The following CAMK1D variants were observed in gnomAD, a reference collection of about 807,000 sequenced individuals.
The protein encoded by CAMK1D is calcium/calmodulin-dependent protein kinase type 1D.
Under a neutral mutation model 47.7 loss-of-function variants are expected in CAMK1D, and 9 were observed. That is an observed-to-expected ratio of 0.19 (90% CI 0.11 to 0.33). CAMK1D has a LOEUF of 0.33. Among genes scored for constraint, CAMK1D ranks in the 10% least tolerant of loss-of-function variants. CAMK1D has a pLI of 1.00. For synonymous variants in CAMK1D, 184 were observed against 184.9 expected (o/e 0.99, Z 0.04); for missense variants, 291 against 488.7 (o/e 0.60, Z 3.81).
intron 2 of CAMK1D, among the ~76,000 whole-genome samples, chr10:12,588,302 C>T (rs749927775): frequency 1.8e-4 from 27 of 152,028 alleles, no homozygotes; most frequent in Non-Finnish European, 2.8e-4. Context: ...GAATAATGAT[C>T]GGACACCCTG....
At chr10:12,819,198 C>T (rs1386911553) in intron 8 of CAMK1D, among the ~76,000 whole-genome samples, 1 of 152,158 alleles carries the variant, frequency 6.6e-6, no homozygotes, top group Non-Finnish European at 1.5e-5. Context: ...ACAGAGGGCC[C>T]AGCAGGAGGT....
chr10:12,681,456 C>G (rs534319647), intron 3 of CAMK1D, among the ~76,000 whole-genome samples: 2 of 152,262 alleles, frequency 1.3e-5, no homozygotes, highest in Non-Finnish European at 2.9e-5. Flanking sequence ...CTGCAGCCTC[C>G]GCTCCTGCAG....
intron 1 of CAMK1D, among the ~76,000 whole-genome samples, chr10:12,521,406 A>G (rs1445115687): frequency 6.6e-6 from 1 of 152,250 alleles, no homozygotes; most frequent in Non-Finnish European, 1.5e-5. Flanking sequence ...ATTTGAGAAT[A>G]ATCTACATAA....
chr10:12,427,607 G>A (rs1840276769), intron 1 of CAMK1D, among the ~76,000 whole-genome samples: 2 of 151,370 alleles, frequency 1.3e-5, no homozygotes, highest in Non-Finnish European at 2.9e-5. Flanking sequence ...CTTGGAACTT[G>A]GAACTTGGTT....
intron 1 of CAMK1D, among the ~76,000 whole-genome samples, chr10:12,539,438 G>A (rs894208707): frequency 6.6e-6 from 1 of 152,184 alleles, no homozygotes; most frequent in African/African-American, 2.4e-5. Context: ...GCCAGATGAG[G>A]GATGGCCAGT....
chr10:12,417,744 G>T (rs770822115), intron 1 of CAMK1D, among the ~76,000 whole-genome samples: 24 of 152,180 alleles, frequency 1.6e-4, no homozygotes, highest in Non-Finnish European at 3.2e-4. Flanking sequence ...ACACTCTTAT[G>T]TGGAAGGCCA....
At chr10:12,680,763 A>T (rs1055961648) in intron 3 of CAMK1D, among the ~76,000 whole-genome samples, 1 of 151,856 alleles carries the variant, frequency 6.6e-6, no homozygotes, top group African/African-American at 2.4e-5. Flanking sequence ...CTACATCCGG[A>T]TGATTAATTT....
At chr10:12,486,511 A>G (rs1341027843) in intron 1 of CAMK1D, among the ~76,000 whole-genome samples, 1 of 140,868 alleles carries the variant, frequency 7.1e-6, no homozygotes, top group East Asian at 2.2e-4. Context: ...CCATGTACCC[A>G]CGTGTGCATG....
At chr10:12,550,968 C>G (rs17151886) in intron 1 of CAMK1D, among the ~76,000 whole-genome samples, 5,485 of 152,244 alleles carry the variant, frequency 0.036, 338 homozygotes, top group African/African-American at 0.13. Flanking sequence ...TGGATTGTGA[C>G]AGAGTGTGCA....
chr10:12,687,577 C>T (rs771317789), intron 3 of CAMK1D, among the ~76,000 whole-genome samples: 62 of 152,222 alleles, frequency 4.1e-4, no homozygotes, highest in Admixed American at 1.0e-3. Flanking sequence ...ATCTTGAAAC[C>T]AAAGGCACAT....
At chr10:12,682,168 C>A (rs569742216) in intron 3 of CAMK1D, among the ~76,000 whole-genome samples, 3 of 152,094 alleles carry the variant, frequency 2.0e-5, no homozygotes, top group African/African-American at 7.2e-5. Flanking sequence ...TGCAGTGAGC[C>A]GAGATCGCGT....
At chr10:12,419,607 A>G (rs1411853288) in intron 1 of CAMK1D, among the ~76,000 whole-genome samples, 1 of 151,376 alleles carries the variant, frequency 6.6e-6, no homozygotes, top group East Asian at 1.9e-4. Context: ...ATGAAGCCAG[A>G]AAGTGATTCA....
At chr10:12,531,740 A>T (rs915703763) in intron 1 of CAMK1D, among the ~76,000 whole-genome samples, 22 of 152,326 alleles carry the variant, frequency 1.4e-4, no homozygotes, top group African/African-American at 4.3e-4. Flanking sequence ...CTGTCCCCTG[A>T]CATCGCCCGG....
Position 12,466,117 on chromosome 10 carries a change from A to G in CAMK1D, c.93-87108A>G, listed in dbSNP as rs181044862. Among the ~76,000 whole-genome samples the G allele has an allele frequency of 1.1e-3, 162 of 152,222 alleles. 3 individuals are homozygous for G. Among genetic ancestry groups the G allele is most frequent in the Admixed American group, 0.01 (158 of 15,272 alleles). On this transcript the variant is annotated intron_variant, in intron 1 of 10. Transcript: ENST00000619168. The stretch of plus-strand genomic sequence containing the variant: ...AAGATCTCTTTAGGCCAGGAGTTCG[A>G]GACTAGCCTGGGCAACATAGTGAGA...
chr10:12,367,122 AAG>A (rs746087364), intron 1 of CAMK1D, among the ~76,000 whole-genome samples: 70 of 152,298 alleles, frequency 4.6e-4, no homozygotes, highest in Non-Finnish European at 7.8e-4. Flanking sequence ...TTGTGAGAAA[AAG>A]GGGATAAAAA....
intron 4 of CAMK1D, among the ~76,000 whole-genome samples, chr10:12,761,529 G>A (rs371223411): frequency 6.6e-6 from 1 of 151,974 alleles, no homozygotes; most frequent in African/African-American, 2.4e-5. Context: ...GAAAGTGAAG[G>A]GAAACAGAAG....
At chr10:12,507,863 G>A (rs1245753750) in intron 1 of CAMK1D, among the ~76,000 whole-genome samples, 1 of 152,066 alleles carries the variant, frequency 6.6e-6, no homozygotes, top group African/African-American at 2.4e-5. Context: ...CTGTGTCTGT[G>A]GCTGCTTCTC....
At chr10:12,715,998 A>G (rs1403988864) in intron 3 of CAMK1D, among the ~76,000 whole-genome samples, 1 of 152,118 alleles carries the variant, frequency 6.6e-6, no homozygotes, top group African/African-American at 2.4e-5. Context: ...GGTGTGAGCC[A>G]CTGCGCCCGG....
intron 2 of CAMK1D, among the ~76,000 whole-genome samples, chr10:12,621,377 A>C (rs114459258): frequency 7.2e-5 from 11 of 152,296 alleles, no homozygotes; most frequent in African/African-American, 2.2e-4. Flanking sequence ...CATCTTTACT[A>C]TGTTGAGTCT....
Sources: gnomAD v4.1 joint callset for allele counts (sites outside exome capture counted in the v4.1 genomes callset) on GRCh38, gnomAD v4.1.1 for gene constraint, MANE v1.5 for transcripts, NCBI Gene and HGNC (gene_info 2026-07-23, HGNC 2026-07-21) for gene names.